APP: variants seen among roughly 807,000 people sequenced by gnomAD.
APP encodes amyloid beta precursor protein.
A neutral mutation model predicts 101.4 loss-of-function variants in APP; 31 were observed. That is an observed-to-expected ratio of 0.31 (90% CI 0.23 to 0.41). APP has a LOEUF of 0.41. Ranked by LOEUF, APP falls within the 10% of genes least tolerant of loss-of-function variation. APP has a pLI of 1.00. For synonymous variants in APP, 366 were observed against 364.4 expected, an observed-to-expected ratio of 1.00 and a Z score of -0.05; for missense variants, 839 against 1,003.7, an observed-to-expected ratio of 0.84 and a Z score of 2.22.
intron 5 of APP, among the ~76,000 whole-genome samples, chr21:26,024,630 G>C (rs1266604289): frequency 6.6e-6 from 1 of 152,160 alleles, no homozygotes; most frequent in Non-Finnish European, 1.5e-5. Context: ...TATGTAAAGA[G>C]ATTAATCCAT....
chr21:25,945,401 T>TTTTTTTTTC (rs2040770202), intron 13 of APP: 2 of 142,922 alleles, frequency 1.4e-5, no homozygotes, highest in Non-Finnish European at 3.0e-5. Flanking sequence ...TTTTTTTTTT[T>TTTTTTTTTC]TGCAGAAATG....
At chr21:26,023,799 G>A (rs1391421129) in intron 5 of APP, among the ~76,000 whole-genome samples, 1 of 152,238 alleles carries the variant, frequency 6.6e-6, no homozygotes, top group East Asian at 1.9e-4. Flanking sequence ...TGGGGCCTGA[G>A]AATGTGCATT....
rs140304729 is a variant in APP, at chr21:25,911,855, C to T, written c.1795G>A (p.Glu599Lys). The T allele has an allele frequency of 9.4e-4, 1,524 of 1,614,164 alleles. 5 individuals are homozygous for T. The highest frequency in any genetic ancestry group is 7.7e-4 in the Non-Finnish European group (904 of 1,180,026). Residue 599 changes from glutamate to lysine, a missense_variant, in exon 14 of 18, where the codon GAA becomes AAA. Coordinates refer to ENST00000346798, the MANE Select transcript of APP (RefSeq NM_000484.4). ...GNDALMPSLTETKTTVELLPV... is the reference protein window; with the variant it reads ...GNDALMPSLTKTKTTVELLPV... ...AGGAGCTCCACGGTGGTTTTCGTTTCGGTCAAAGATGGCATGAGAGCATCG... is the reference window on the plus strand; with the variant it reads ...AGGAGCTCCACGGTGGTTTTCGTTTTGGTCAAAGATGGCATGAGAGCATCG...
intron 1 of APP, chr21:26,158,329 C>T (rs911162141): frequency 9.9e-5 from 15 of 152,214 alleles, no homozygotes; most frequent in African/African-American, 2.2e-4. Context: ...TGGTTCAGAA[C>T]GTTAAGTCTA....
chr21:26,120,199 T>C (rs185952323), intron 1 of APP, among the ~76,000 whole-genome samples: 13 of 152,328 alleles, frequency 8.5e-5, no homozygotes, highest in Admixed American at 3.3e-4. Flanking sequence ...CAGTCATGTA[T>C]TTGATAGGAA....
At chr21:26,066,024 C>T (rs992968694) in intron 3 of APP, among the ~76,000 whole-genome samples, 2 of 152,166 alleles carry the variant, frequency 1.3e-5, no homozygotes, top group Non-Finnish European at 2.9e-5. Flanking sequence ...CGCCTGAAAA[C>T]AGACCTTCCC....
chr21:26,072,666 A>G (rs2061428876), intron 3 of APP, among the ~76,000 whole-genome samples: 1 of 152,152 alleles, frequency 6.6e-6, no homozygotes. Flanking sequence ...AAAAGAAAGC[A>G]AAAACAACAA....
At chr21:25,949,565 G>A (rs983573076) in intron 13 of APP, among the ~76,000 whole-genome samples, 1 of 152,128 alleles carries the variant, frequency 6.6e-6, no homozygotes, top group African/African-American at 2.4e-5. Flanking sequence ...CCAAGTTAAG[G>A]AGCATCTGCC....
chr21:26,119,611 C>T (rs2062517252), intron 1 of APP, among the ~76,000 whole-genome samples: 1 of 152,098 alleles, frequency 6.6e-6, no homozygotes, highest in African/African-American at 2.4e-5. Context: ...ATATACCTAC[C>T]TATGTACATA....
chr21:25,891,764 C>G lies in APP; in HGVS notation c.2169G>C (p.Leu723=). The G allele has an allele frequency of 6.2e-7, 1 of 1,614,138 alleles. No individual in the cohort carries two copies. ...ATVIVITLVM[L]KKKQYTSIHH... is the part of the protein sequence containing the mutation. ...GAATGGATGTGTACTGTTTCTTCTT[C>G]AGCATCACCAAGGTGATGACGATCA... is the stretch of plus-strand genomic sequence containing the variant. Residue 723 remains leucine, a synonymous_variant, in exon 17 of 18, where the codon CTG becomes CTC. Coordinates refer to ENST00000346798, the MANE Select transcript of APP (RefSeq NM_000484.4).
chr21:26,098,835 G>A (rs765190198), intron 2 of APP, among the ~76,000 whole-genome samples: 10 of 152,234 alleles, frequency 6.6e-5, no homozygotes, highest in African/African-American at 9.6e-5. Context: ...TTAACAAAAC[G>A]TCAATGAGTA....
intron 15 of APP, among the ~76,000 whole-genome samples, chr21:25,901,609 A>G (rs896136042): frequency 2.0e-5 from 3 of 152,212 alleles, no homozygotes; most frequent in African/African-American, 7.2e-5. Flanking sequence ...TATTCATAAT[A>G]AGGTGATAAT....
chr21:26,070,262 T>A (rs1220119241), intron 3 of APP, among the ~76,000 whole-genome samples: 1 of 152,222 alleles, frequency 6.6e-6, no homozygotes, highest in Non-Finnish European at 1.5e-5. Flanking sequence ...TTACCACGCC[T>A]CTGTGGACTT....
intron 3 of APP, among the ~76,000 whole-genome samples, chr21:26,056,474 A>T (rs1041905503): frequency 1.3e-5 from 2 of 152,192 alleles, no homozygotes; most frequent in Admixed American, 1.3e-4. Flanking sequence ...AAATCTATCC[A>T]AGAGAACCAT....
intron 3 of APP, among the ~76,000 whole-genome samples, chr21:26,077,022 C>T (rs1344688041): frequency 1.3e-5 from 2 of 150,082 alleles, no homozygotes; most frequent in Admixed American, 6.6e-5. Flanking sequence ...AAGACTGCGC[C>T]ACTGCGCTCC....
At position 25,964,606 on chromosome 21, in the gene APP, C is replaced by CT. The variant is rs150904952; in HGVS notation, c.1459-8852dup. ...ATCACTTAGTGACCTTTTTTCTTTT[C>CT]TTTTTTTTTTTTTTTTTTCTGAGAC... On this transcript the variant is annotated intron_variant, in intron 11 of 17. Coordinates refer to ENST00000346798, the MANE Select transcript of APP (RefSeq NM_000484.4). Among the ~76,000 whole-genome samples, 1,108 of 122,532 alleles carry CT rather than the reference C, an allele frequency of 9.0e-3. 16 individuals carry two copies. Among genetic ancestry groups the CT allele is most frequent in the African/African-American group, 0.025 (844 of 33,432 alleles). The allele number at this position is 122,532 out of a possible 152,430, so 80.4% of individuals were successfully genotyped here.
rs1457209982 is a variant in APP at position 25,901,318 on chromosome 21, AC to A, written c.1964-3646del. Among the ~76,000 whole-genome samples, 870 of 89,432 alleles carry A rather than the reference AC, an allele frequency of 9.7e-3. 19 individuals are homozygous for A. Among genetic ancestry groups the A allele is most frequent in the African/African-American group, 0.019 (658 of 33,778 alleles). 58.7% of individuals were successfully genotyped at this position (89,432 alleles called of 152,430 possible). On this transcript the variant is annotated intron_variant, in intron 15 of 17. Coordinates refer to ENST00000346798, the MANE Select transcript of APP (RefSeq NM_000484.4). ...TTTTAAAAAAAAAAAAAAAAAAAAAACAAAACCAAGAGCTCTCCACTAAAAA... is the reference window on the plus strand; with the variant it reads ...TTTTAAAAAAAAAAAAAAAAAAAAAAAAAACCAAGAGCTCTCCACTAAAAA...
intron 6 of APP, among the ~76,000 whole-genome samples, chr21:26,016,941 GGGCGGGGGGC>G (rs1186459742): frequency 0.27 from 3,494 of 13,000 alleles, 434 homozygotes; most frequent in Middle Eastern, 0.4. Flanking sequence ...GGGGGGCGGG[GGGCGGGGGGC>G]GGGGGGTGCC....
intron 11 of APP, among the ~76,000 whole-genome samples, chr21:25,972,809 TG>T (rs200400463): frequency 0.03 from 4,480 of 151,670 alleles, 210 homozygotes; most frequent in East Asian, 0.13. Flanking sequence ...GTAAACATGT[TG>T]TTTTTTTTTT....
Sources: allele counts gnomAD v4.1 joint callset (sites outside exome capture counted in the v4.1 genomes callset), GRCh38; gene constraint gnomAD v4.1.1; transcripts MANE v1.5; gene names NCBI Gene and HGNC (gene_info 2026-07-23, HGNC 2026-07-21).